The following TENM3 variants were observed in gnomAD, a reference collection of about 807,000 sequenced individuals.
TENM3 encodes the protein teneurin-3.
A neutral mutation model predicts 255.1 loss-of-function variants in TENM3; 63 were observed. The observed-to-expected ratio is 0.25, with a 90% confidence interval of 0.20 to 0.30. TENM3 has a LOEUF of 0.30. Ranked by LOEUF, TENM3 falls within the 10% of genes least tolerant of loss-of-function variation. The pLI, the probability that TENM3 is intolerant of heterozygous loss-of-function variation, is 1.00. For synonymous variants in TENM3, 1,306 were observed against 1,322.3 expected, an observed-to-expected ratio of 0.99 and a Z score of 0.27; for missense variants, 2,929 against 3,461.1, an observed-to-expected ratio of 0.85 and a Z score of 3.86.
the TENM3 span, among the ~76,000 whole-genome samples, chr4:182,071,963 A>G: frequency 1.4e-4 from 21 of 152,310 alleles, no homozygotes; most frequent in African/African-American, 3.8e-4. Context: ...CAAAACAAAA[A>G]AAACACTAAC....
At chr4:182,639,405 G>A (rs997660726) in intron 5 of TENM3, among the ~76,000 whole-genome samples, 9 of 152,166 alleles carry the variant, frequency 5.9e-5, no homozygotes, top group African/African-American at 2.2e-4. Context: ...CTGGCAAAAT[G>A]TAAGTGCTCA....
intron 3 of TENM3, among the ~76,000 whole-genome samples, chr4:182,470,540 G>A (rs558625786): frequency 6.6e-6 from 1 of 152,180 alleles, no homozygotes; most frequent in East Asian, 1.9e-4. Context: ...GAAAGGAGAG[G>A]GAAAAACATA....
At chr4:181,473,548 G>A in the TENM3 span, among the ~76,000 whole-genome samples, 1 of 151,680 alleles carries the variant, frequency 6.6e-6, no homozygotes, top group African/African-American at 2.4e-5. Context: ...GCTAATGATT[G>A]TCCCCTACAC....
chr4:181,911,586 A>G, the TENM3 span, among the ~76,000 whole-genome samples: 2 of 152,182 alleles, frequency 1.3e-5, no homozygotes, highest in African/African-American at 4.8e-5. Context: ...TAGATATCTA[A>G]TTTGAGCAAC....
At chr4:182,541,548 A>G (rs1044978250) in intron 3 of TENM3, among the ~76,000 whole-genome samples, 3 of 152,180 alleles carry the variant, frequency 2.0e-5, no homozygotes, top group Non-Finnish European at 2.9e-5. Context: ...AATCCATGCT[A>G]TTTTATAGGA....
At chr4:182,056,552 C>T in the TENM3 span, among the ~76,000 whole-genome samples, 3 of 152,132 alleles carry the variant, frequency 2.0e-5, no homozygotes, top group Non-Finnish European at 4.4e-5. Flanking sequence ...ACAGGATAAA[C>T]CACCTTTAAA....
the TENM3 span, among the ~76,000 whole-genome samples, chr4:181,974,107 G>C: frequency 6.6e-6 from 1 of 152,224 alleles, no homozygotes. Context: ...CCACTCAGTA[G>C]AGACTGCTCA....
intron 13 of TENM3, among the ~76,000 whole-genome samples, chr4:182,723,473 A>G (rs1375627641): frequency 1.3e-5 from 2 of 152,176 alleles, no homozygotes; most frequent in Admixed American, 1.3e-4. Flanking sequence ...TTATCTTTTG[A>G]GTAAAAAAGA....
the TENM3 span, among the ~76,000 whole-genome samples, chr4:181,653,020 T>C: frequency 6.6e-6 from 1 of 152,182 alleles, no homozygotes; most frequent in Non-Finnish European, 1.5e-5. Flanking sequence ...TACAGCACAA[T>C]ATGTAATTTT....
the TENM3 span, among the ~76,000 whole-genome samples, chr4:181,527,596 C>A: frequency 6.6e-6 from 1 of 150,780 alleles, no homozygotes; most frequent in African/African-American, 2.4e-5. Context: ...GAACTCCTGA[C>A]CTCAAGCCAC....
rs978728610 is a variant in TENM3 at position 182,423,882 on chromosome 4, C to T, written c.511+76953C>T. ...AGTTCAGCATTAAACATATGCCTTC[C>T]GTTAACTTTAGTCATTATTTCACCA... On this transcript the variant is annotated intron_variant, in intron 3 of 27. Coordinates refer to ENST00000511685, the MANE Select transcript of TENM3 (RefSeq NM_001080477.4). Among the ~76,000 whole-genome samples the T allele has an allele frequency of 3.9e-5, 6 of 151,974 alleles. No homozygotes were observed. In the South Asian group the frequency reaches 6.2e-4, roughly 16 times the overall value.
chr4:181,775,377 G>T, the TENM3 span, among the ~76,000 whole-genome samples: 2 of 152,076 alleles, frequency 1.3e-5, no homozygotes, highest in Non-Finnish European at 2.9e-5. Flanking sequence ...TTCGTTTGGG[G>T]CTGAGTTTCT....
At chr4:182,301,072 T>C (rs1459981935) in intron 1 of TENM3, among the ~76,000 whole-genome samples, 3 of 152,226 alleles carry the variant, frequency 2.0e-5, no homozygotes, top group South Asian at 2.1e-4. Flanking sequence ...GACTGCATCT[T>C]ATGCGTATTA....
intron 3 of TENM3, among the ~76,000 whole-genome samples, chr4:182,473,470 G>C (rs572632707): frequency 9.9e-5 from 15 of 152,116 alleles, no homozygotes; most frequent in Non-Finnish European, 1.8e-4. Context: ...TCAGGAGATC[G>C]AGACCATGCT....
At position 182,801,180 on chromosome 4, in the gene TENM3, G is replaced by A. The variant is rs144928340; in HGVS notation, c.*829G>A. On this transcript the variant is annotated 3_prime_UTR_variant, in exon 28 of 28. Coordinates refer to ENST00000511685, the MANE Select transcript of TENM3 (RefSeq NM_001080477.4). The stretch of plus-strand genomic sequence containing the variant: ...GCACCTTTTGTTATCTGTTATAGCT[G>A]TACAGTATGAATTATTATATTGTAG... 6.5e-6 allele frequency: 1 copy of A among 152,678 alleles called. No individual in the cohort carries two copies. The highest frequency in any genetic ancestry group is 1.5e-5 in the Non-Finnish European group (1 of 68,040). 9.5% of individuals were successfully genotyped at this position (152,678 alleles called of 1,614,324 possible). A position where few individuals can be genotyped will look rare whatever the true frequency, so the allele number is the denominator to read the frequency against.
the TENM3 span, among the ~76,000 whole-genome samples, chr4:181,613,614 T>C: frequency 6.6e-6 from 1 of 152,170 alleles, no homozygotes; most frequent in Non-Finnish European, 1.5e-5. Flanking sequence ...TCTGCCTCAG[T>C]TTCCTCAAAT....
chr4:182,634,805 G>A (rs916744090), intron 5 of TENM3, among the ~76,000 whole-genome samples: 4 of 151,262 alleles, frequency 2.6e-5, no homozygotes, highest in African/African-American at 9.7e-5. Flanking sequence ...TCTGTTCACC[G>A]TTACACGATG....
At chr4:182,023,808 T>A in the TENM3 span, among the ~76,000 whole-genome samples, 2 of 152,220 alleles carry the variant, frequency 1.3e-5, no homozygotes, top group African/African-American at 4.8e-5. Context: ...TAATATATCA[T>A]CTGTACCAAA....
chr4:182,677,866 G>A (rs1022971541), intron 7 of TENM3, among the ~76,000 whole-genome samples: 1 of 152,062 alleles, frequency 6.6e-6, no homozygotes, highest in African/African-American at 2.4e-5. Flanking sequence ...CAGTAAAATG[G>A]CAATATATTT....
Sources: allele counts gnomAD v4.1 joint callset (sites outside exome capture counted in the v4.1 genomes callset), GRCh38; gene constraint gnomAD v4.1.1; transcripts MANE v1.5; gene names NCBI Gene and HGNC (gene_info 2026-07-23, HGNC 2026-07-21).